TMTC2: variants seen among roughly 807,000 people sequenced by gnomAD.
The protein encoded by TMTC2 is transmembrane O-mannosyltransferase targeting cadherins 2.
A neutral mutation model predicts 82.4 loss-of-function variants in TMTC2; 43 were observed. The ratio of observed to expected loss-of-function variants is 0.52; its 90% CI spans 0.41 to 0.67. The LOEUF is 0.67. TMTC2 is among the 30% of genes least tolerant of loss of function. The probability of loss-of-function intolerance (pLI) is 0.00; values close to 1 mark genes in which losing one functional copy is unlikely to be tolerated. For synonymous variants in TMTC2, 408 were observed against 381.9 expected (o/e 1.07, Z -0.80); for missense variants, 919 against 1,012.4 (o/e 0.91, Z 1.25).
At chr12:83,035,340 A>C (rs540133764) in intron 9 of TMTC2, among the ~76,000 whole-genome samples, 3 of 152,326 alleles carry the variant, frequency 2.0e-5, no homozygotes, top group South Asian at 2.1e-4. Flanking sequence ...TGCAAGAAAG[A>C]AAGCAAGCTA....
intron 1 of TMTC2, among the ~76,000 whole-genome samples, chr12:82,738,460 C>T (rs1048102890): frequency 3.9e-5 from 6 of 152,142 alleles, no homozygotes; most frequent in Non-Finnish European, 1.5e-5. Flanking sequence ...GGGATATTTA[C>T]ATTCTAAATG....
chr12:82,889,388 TA>T (rs1873278897), intron 2 of TMTC2, among the ~76,000 whole-genome samples: 3 of 152,130 alleles, frequency 2.0e-5, no homozygotes, highest in Admixed American at 2.0e-4. Context: ...TAAGTCTAGG[TA>T]TGTCAAGTTG....
At chr12:82,914,830 T>C (rs1043162526) in intron 3 of TMTC2, among the ~76,000 whole-genome samples, 1 of 146,174 alleles carries the variant, frequency 6.8e-6, no homozygotes, top group Non-Finnish European at 1.5e-5. Context: ...TTTTTTTTTT[T>C]TTTTTTTTTT....
intron 8 of TMTC2, among the ~76,000 whole-genome samples, chr12:83,013,211 T>A (rs1880537704): frequency 6.6e-6 from 1 of 152,290 alleles, no homozygotes; most frequent in South Asian, 2.1e-4. Flanking sequence ...GAGGATTTTT[T>A]AATAATGATA....
At chr12:82,713,649 C>G (rs1263052381) in intron 1 of TMTC2, among the ~76,000 whole-genome samples, 1 of 152,144 alleles carries the variant, frequency 6.6e-6, no homozygotes, top group Non-Finnish European at 1.5e-5. Context: ...AAGACCTGTG[C>G]CCATGATTCA....
chr12:82,922,649 A>T (rs1018654428), intron 3 of TMTC2, among the ~76,000 whole-genome samples: 1 of 152,042 alleles, frequency 6.6e-6, no homozygotes, highest in Admixed American at 6.6e-5. Context: ...GATCTAACAT[A>T]TTTGATTTGT....
Position 82,719,083 on chromosome 12 carries a change from A to G in TMTC2, c.83+31414A>G, listed in dbSNP as rs1252797676. Among the ~76,000 whole-genome samples, 7 of 53,790 alleles carry G rather than the reference A, an allele frequency of 1.3e-4. No homozygotes were observed. In the Admixed American group the frequency reaches 2.0e-3, roughly 15 times the overall value. The allele number at this position is 53,790 out of a possible 152,430, so 35.3% of individuals were successfully genotyped here. A position where few individuals can be genotyped will look rare whatever the true frequency, so the allele number is the denominator to read the frequency against. On this transcript the variant is annotated intron_variant, in intron 1 of 11. Coordinates refer to ENST00000321196, the MANE Select transcript of TMTC2 (RefSeq NM_152588.3). ...TTTATATATATATATATATATATATATATTTTTTTTTTTTTTTTTTTTTTT... is the reference window on the plus strand; with the variant it reads ...TTTATATATATATATATATATATATGTATTTTTTTTTTTTTTTTTTTTTTT...
chr12:82,945,478 G>A (rs749180850), intron 4 of TMTC2, among the ~76,000 whole-genome samples: 1 of 152,144 alleles, frequency 6.6e-6, no homozygotes, highest in Non-Finnish European at 1.5e-5. Context: ...ATCACATCCT[G>A]TTTTAATGCC....
chr12:82,978,099 C>T (rs1878761401), intron 7 of TMTC2, among the ~76,000 whole-genome samples: 1 of 151,508 alleles, frequency 6.6e-6, no homozygotes, highest in African/African-American at 2.4e-5. Context: ...AGACTTTCTT[C>T]AATGAACAGG....
At chr12:82,894,853 G>A (rs911168765) in intron 2 of TMTC2, among the ~76,000 whole-genome samples, 1 of 152,000 alleles carries the variant, frequency 6.6e-6, no homozygotes, top group East Asian at 1.9e-4. Flanking sequence ...AGGCTGGAGT[G>A]CAGTGGTGCA....
At position 82,863,380 on chromosome 12, in the gene TMTC2, G is replaced by A. The variant is rs532886133; in HGVS notation, c.654+5800G>A. 1.1e-4 allele frequency among the ~76,000 whole-genome samples: 16 copies of A among 152,202 alleles called. No homozygotes were observed. The South Asian group carries it at 2.7e-3, about 26-fold the overall frequency. On this transcript the variant is annotated intron_variant, in intron 2 of 11. Coordinates refer to ENST00000321196, the MANE Select transcript of TMTC2 (RefSeq NM_152588.3). The stretch of plus-strand genomic sequence containing the variant: ...TTAGCTTTATTGAAACTGTAGGGCT[G>A]TTTGTTAGGCCCTTACGAATGAATT...
intron 1 of TMTC2, among the ~76,000 whole-genome samples, chr12:82,702,765 A>C (rs911269663): frequency 1.3e-5 from 2 of 152,152 alleles, no homozygotes; most frequent in African/African-American, 4.8e-5. Flanking sequence ...CATCTCTACA[A>C]AAAATAAAAT....
intron 4 of TMTC2, among the ~76,000 whole-genome samples, chr12:82,937,740 G>GTA (rs1876409781): frequency 1.1e-4 from 9 of 80,596 alleles, no homozygotes; most frequent in South Asian, 3.1e-4. Context: ...ATGTGTGTGT[G>GTA]TGTGTGTGTG....
chr12:82,912,530 A>T (rs1874735548), intron 3 of TMTC2, among the ~76,000 whole-genome samples: 1 of 152,230 alleles, frequency 6.6e-6, no homozygotes, highest in South Asian at 2.1e-4. Context: ...AAGTCAGTTG[A>T]CTTAATCTCT....
intron 1 of TMTC2, among the ~76,000 whole-genome samples, chr12:82,761,094 G>T (rs1339547646): frequency 1.3e-5 from 2 of 152,032 alleles, no homozygotes; most frequent in Non-Finnish European, 2.9e-5. Context: ...AAAAAGGTTG[G>T]GGACTGCTGC....
intron 3 of TMTC2, among the ~76,000 whole-genome samples, chr12:82,899,552 A>G (rs1293340636): frequency 6.9e-6 from 1 of 144,416 alleles, no homozygotes; most frequent in African/African-American, 2.6e-5. Flanking sequence ...ATATATATAT[A>G]TAAGAATATA....
intron 4 of TMTC2, among the ~76,000 whole-genome samples, chr12:82,952,726 TG>T (rs1877412339): frequency 6.6e-6 from 1 of 151,984 alleles, no homozygotes; most frequent in Non-Finnish European, 1.5e-5. Context: ...TTGTGTGTGG[TG>T]TTTTTTTGTT....
intron 1 of TMTC2, among the ~76,000 whole-genome samples, chr12:82,835,309 A>G (rs1869974947): frequency 6.6e-6 from 1 of 152,118 alleles, no homozygotes; most frequent in South Asian, 2.1e-4. Flanking sequence ...TATCTATTGT[A>G]TTTGTTTTCA....
intron 1 of TMTC2, among the ~76,000 whole-genome samples, chr12:82,748,036 C>T (rs932204856): frequency 6.6e-5 from 10 of 152,200 alleles, no homozygotes; most frequent in South Asian, 2.1e-4. Flanking sequence ...TTAGGCCAGA[C>T]GCGGTGGCTC....
Sources: gnomAD v4.1 joint callset for allele counts (sites outside exome capture counted in the v4.1 genomes callset) on GRCh38, gnomAD v4.1.1 for gene constraint, MANE v1.5 for transcripts, NCBI Gene and HGNC (gene_info 2026-07-23, HGNC 2026-07-21) for gene names.